Variants in WTAP observed in about 807,000 individuals in gnomAD.
WTAP encodes the protein pre-mRNA-splicing regulator WTAP.
WTAP carries 8 observed loss-of-function variants against 50.0 expected under a neutral mutation model. The observed-to-expected ratio is 0.16, with a 90% CI of 0.09 to 0.29. The LOEUF (loss-of-function observed/expected upper bound fraction) is 0.29, where lower values mean the gene tolerates loss of function less well. Ranked by LOEUF, WTAP falls within the 10% of genes least tolerant of loss-of-function variation. WTAP has a pLI of 1.00. For missense variants in WTAP, 295 were observed against 470.7 expected (o/e 0.63, Z 3.45); for synonymous variants, 194 against 169.0 (o/e 1.15, Z -1.15).
At chr6:159,738,819 A>G (rs1193935766) in intron 2 of WTAP, among the ~76,000 whole-genome samples, 171 bp from the exon 3 acceptor site, 1 of 151,420 alleles carries the variant, frequency 6.6e-6, no homozygotes, top group Non-Finnish European at 1.5e-5. Context: ...TAAGATACCA[A>G]ATAGTTTACC....
chr6:159,727,042 G>A, upstream of WTAP: 11 of 1,226,126 alleles, frequency 9.0e-6, no homozygotes, highest in South Asian at 2.8e-5. Flanking sequence ...TGGCCCCGGC[G>A]AGTACTTCCA....
At chr6:159,733,826 G>T (rs1247499042) in intron 1 of WTAP, among the ~76,000 whole-genome samples, 2 of 152,178 alleles carry the variant, frequency 1.3e-5, no homozygotes, top group African/African-American at 4.8e-5. Flanking sequence ...TGAGGCAGGA[G>T]AATTGCTTGA....
chr6:159,752,045 CAGTG>C (rs915767296), intron 6 of WTAP, among the ~76,000 whole-genome samples: 2 of 147,040 alleles, frequency 1.4e-5, no homozygotes, highest in African/African-American at 2.5e-5. Flanking sequence ...CCTGGCAACA[CAGTG>C]AGACCCCCAT....
In WTAP at chr6:159,755,933, CAAT is replaced by C. The variant is rs531126647; in HGVS notation, c.*323_*325del. The C allele has an allele frequency of 1.8e-3, 449 of 252,258 alleles. 2 individuals are homozygous for C. The highest frequency in any genetic ancestry group is 9.8e-3 in the African/African-American group (428 of 43,464). 15.6% of individuals were successfully genotyped at this position (252,258 alleles called of 1,614,324 possible). A position where few individuals can be genotyped will look rare whatever the true frequency, so the allele number is the denominator to read the frequency against. Reference sequence around the variant, plus strand: ...GGAAATTTTTCCTTAAAATACAACACAATGATGTCTGTATAAATCTGTCTGTTT... The same window carrying C: ...GGAAATTTTTCCTTAAAATACAACACGATGTCTGTATAAATCTGTCTGTTT... On this transcript the variant is annotated 3_prime_UTR_variant, in exon 8 of 8. Coordinates refer to ENST00000621533, the MANE Select transcript of WTAP (RefSeq NM_001270531.2).
intron 1 of WTAP, among the ~76,000 whole-genome samples, chr6:159,733,870 C>G (rs563088696): frequency 2.6e-5 from 4 of 152,110 alleles, no homozygotes; most frequent in Admixed American, 1.3e-4. Flanking sequence ...GAGCCGAGAT[C>G]GCGCCGTTGC....
At chr6:159,738,866 C>CA (rs1779074561) in intron 2 of WTAP, 124 bp from the exon 3 acceptor site, 2 of 585,568 alleles carry the variant, frequency 3.4e-6, no homozygotes, top group Non-Finnish European at 5.5e-6. Flanking sequence ...AATACTTTTT[C>CA]AAAAAATCAT....
At chr6:159,726,737 T>C (rs1295389364), upstream of WTAP, 13 of 1,280,442 alleles carry the variant, frequency 1.0e-5, no homozygotes, top group South Asian at 3.7e-5. Context: ...CAGAGAACAA[T>C]AGCTCCTCGA....
chr6:159,733,389 G>A (rs1304448598), intron 1 of WTAP, among the ~76,000 whole-genome samples: 1 of 152,182 alleles, frequency 6.6e-6, no homozygotes, highest in Non-Finnish European at 1.5e-5. Flanking sequence ...GGCCAAGGCA[G>A]TTGGATTGCT....
chr6:159,736,359 C>CT lies in WTAP; in HGVS notation c.30+67dup, dbSNP rs752372925. ...GGTTTTTTGGGGGCTTTTTTAAGCA[C>CT]TTTAAAAAAAAATAGACTTGAAGGG... is the stretch of plus-strand genomic sequence containing the variant. On this transcript the variant is annotated intron_variant, in intron 2 of 7. Transcript: ENST00000621533. 841 of 1,285,664 alleles carry CT rather than the reference C, an allele frequency of 6.5e-4. 3 individuals are homozygous for CT. Among genetic ancestry groups the CT allele is most frequent in the East Asian group, 3.3e-3 (143 of 43,128 alleles). 79.6% of individuals were successfully genotyped at this position (1,285,664 alleles called of 1,614,324 possible).
chr6:159,754,700 T>G (rs536947139), intron 7 of WTAP, among the ~76,000 whole-genome samples: 25 of 152,322 alleles, frequency 1.6e-4, no homozygotes, highest in African/African-American at 5.8e-4. Flanking sequence ...ACTGTATTGT[T>G]TGGGGGATAA....
intron 5 of WTAP, among the ~76,000 whole-genome samples, chr6:159,747,090 T>G (rs866266728): frequency 1.3e-5 from 2 of 152,222 alleles, no homozygotes; most frequent in African/African-American, 2.4e-5. Flanking sequence ...TTTGTTCCTT[T>G]TACTAAATTT....
rs138894463 is a variant in WTAP, at chr6:159,748,202, G to A, written c.285G>A (p.Gln95=). 26 of 1,613,710 alleles carry A rather than the reference G, an allele frequency of 1.6e-5. No individual in the cohort carries two copies. Among genetic ancestry groups the A allele is most frequent in the African/African-American group, 1.5e-4 (11 of 74,880 alleles). ...QEMQECTTQI[Q]YLKQVQQPSV... Reference sequence around the variant, plus strand: ...TTTGCTTTGCACAGACTCAAATCCAGTACCTCAAGCAAGTCCAGCAGCCGA... The same window carrying A: ...TTTGCTTTGCACAGACTCAAATCCAATACCTCAAGCAAGTCCAGCAGCCGA... Residue 95 remains glutamine, a synonymous_variant, in exon 6 of 8, where the codon CAG becomes CAA. Transcript: ENST00000621533. The surrounding 1 kb of genome is among the most constrained non-coding windows in gnomAD (Gnocchi z 5.6).
intron 6 of WTAP, among the ~76,000 whole-genome samples, chr6:159,750,151 A>G (rs1034440642): frequency 6.6e-6 from 1 of 152,206 alleles, no homozygotes; most frequent in Non-Finnish European, 1.5e-5. Context: ...AAGTAACCAG[A>G]TCTGTTTGAA....
At position 159,753,561 on chromosome 6, in the gene WTAP, C is replaced by T; in HGVS notation, c.554C>T (p.Ala185Val). The change falls in exon 7 of 8, where the codon GCA becomes GTA. Residue 185 changes from alanine to valine, a missense_variant. Transcript: ENST00000621533. ...LSQGRIAQLE[A>V]ELALQKKYSE... ...CAGGGACGTATTGCACAACTTGAAG[C>T]AGAGTTGGCTTTACAGAAGAAATAC... 6.2e-7 allele frequency: 1 copy of T among 1,614,168 alleles called. No individual in the cohort carries two copies. The highest frequency in any genetic ancestry group is 8.5e-7 in the Non-Finnish European group (1 of 1,180,028).
chr6:159,727,389 G>GGCGGGAC, upstream of WTAP: 1 of 1,217,526 alleles, frequency 8.2e-7, no homozygotes, highest in Non-Finnish European at 1.1e-6. Flanking sequence ...GGAGGCGGGA[G>GGCGGGAC]GCGGGAGGCG....
At chr6:159,738,003 C>T (rs1452247723) in intron 2 of WTAP, among the ~76,000 whole-genome samples, 3 of 152,180 alleles carry the variant, frequency 2.0e-5, no homozygotes, top group African/African-American at 7.2e-5. Flanking sequence ...TTGTTAACAC[C>T]TTGCGTGACT....
At position 159,753,518 on chromosome 6, in the gene WTAP, C is replaced by CT. The variant is rs781582715; in HGVS notation, c.513dup (p.Gly172TrpfsTer13). On this transcript the variant is annotated frameshift_variant, in exon 7 of 8. Transcript: ENST00000621533. LOFTEE classifies it high-confidence loss of function. The stretch of plus-strand genomic sequence containing the variant: ...AATGCTTATCCAGGAGAATCAAGAG[C>CT]TTGGAAGGCAGCTGTCCCAGGGACG... The CT allele has an allele frequency of 6.2e-7, 1 of 1,614,162 alleles. No individual in the cohort carries two copies. Among genetic ancestry groups the CT allele is most frequent in the Non-Finnish European group, 8.5e-7 (1 of 1,180,030 alleles).
intron 1 of WTAP, among the ~76,000 whole-genome samples, chr6:159,735,449 A>G (rs1354935851): frequency 6.6e-6 from 1 of 152,190 alleles, no homozygotes; most frequent in Non-Finnish European, 1.5e-5. Flanking sequence ...AGTGTAACAT[A>G]TATTTTAAAA....
At chr6:159,753,971 G>C (rs1349552894) in intron 7 of WTAP, among the ~76,000 whole-genome samples, 5 of 152,154 alleles carry the variant, frequency 3.3e-5, no homozygotes, top group Non-Finnish European at 5.9e-5. Context: ...GTAAATCTTA[G>C]AAACATGGGC....
Sources: allele counts gnomAD v4.1 joint callset (sites outside exome capture counted in the v4.1 genomes callset), GRCh38; gene constraint gnomAD v4.1.1; non-coding constraint Gnocchi (gnomAD v3.1); transcripts MANE v1.5; gene names NCBI Gene and HGNC (gene_info 2026-07-23, HGNC 2026-07-21).